KRT40: variants seen among roughly 807,000 people sequenced by gnomAD.
KRT40 encodes keratin 40, also known as keratin, type I cytoskeletal 40.
Under a neutral mutation model 43.5 loss-of-function variants are expected in KRT40, and 47 were observed. That is an observed-to-expected ratio of 1.08 (90% confidence interval 0.86 to 1.38). The LOEUF (loss-of-function observed/expected upper bound fraction) is 1.38, where lower values mean the gene tolerates loss of function less well. Among genes scored for constraint, KRT40 ranks in the 40% most tolerant of loss-of-function variants. The probability of loss-of-function intolerance (pLI) is 0.00; values close to 1 mark genes in which losing one functional copy is unlikely to be tolerated. For missense variants in KRT40, 573 were observed against 523.6 expected, an observed-to-expected ratio of 1.09 and a Z score of -0.92; for synonymous variants, 212 against 214.0, an observed-to-expected ratio of 0.99 and a Z score of 0.08.
At chr17:40,983,757 C>T (rs1199082834) in intron 1 of KRT40, 70 bp downstream of exon 1, 2 of 1,452,232 alleles carry the variant, frequency 1.4e-6, no homozygotes, top group Non-Finnish European at 1.9e-6. Flanking sequence ...GTAAAACAGC[C>T]CCTTCTAGTA....
Position 40,978,845 on chromosome 17 carries a change from C to G in KRT40, c.1155G>C (p.Glu385Asp), listed in dbSNP as rs1911948971. Residue 385 changes from glutamate (E) to aspartate (D), a missense_variant, in exon 6 of 7, where the codon GAG (glutamate) becomes GAC (aspartate). By Grantham distance (45) the Glu-to-Asp change is conservative. Coordinates refer to ENST00000377755, the MANE Select transcript of KRT40 (RefSeq NM_001389244.1). ...LLDVKARLEG[E>D]INTYWGLLDS... ...CCAGCAGGCCCCAGTACGTGTTGAT[C>G]TCACCCTCCAGCCGGGCCTTCACGT... 6.2e-7 allele frequency: 1 copy of G among 1,613,110 alleles called. No homozygotes were observed. Among genetic ancestry groups the G allele is most frequent in the Non-Finnish European group, 8.5e-7 (1 of 1,180,034 alleles).
chr17:40,984,638 C>T (rs1912382016), upstream of KRT40, among the ~76,000 whole-genome samples: 1 of 152,146 alleles, frequency 6.6e-6, no homozygotes, highest in South Asian at 2.1e-4. Context: ...AGATACAACT[C>T]ATTACAAATC....
At chr17:40,984,345 A>C, upstream of KRT40, 1 of 1,191,978 alleles carries the variant, frequency 8.4e-7, no homozygotes, top group Non-Finnish European at 1.2e-6. Flanking sequence ...TCCTCTCCTG[A>C]GAGTTTTATA....
chr17:40,983,090 T>C lies in KRT40; in HGVS notation c.486A>G (p.Val162=). 5 of 1,520,206 alleles carry C rather than the reference T, an allele frequency of 3.3e-6. No homozygotes were observed. Among genetic ancestry groups the C allele is most frequent in the Non-Finnish European group, 4.5e-6 (5 of 1,099,230 alleles). The allele number at this position is 1,520,206 out of a possible 1,614,324, so 94.2% of individuals were successfully genotyped here. Reference sequence around the variant, plus strand: ...TGGCCAGTTTGCAGTTGTCAAGCTGTACAGCAAGTCTAGAATTCTCTGCTT... The same window carrying C: ...TGGCCAGTTTGCAGTTGTCAAGCTGCACAGCAAGTCTAGAATTCTCTGCTT... ...CTKAENSRLA[V]QLDNCKLATD... is the part of the protein sequence containing the mutation. Residue 162 remains valine (V), a synonymous_variant, in exon 2 of 7, where the codon GTA becomes GTG. Transcript: ENST00000377755.
intron 5 of KRT40, among the ~76,000 whole-genome samples, chr17:40,980,000 C>T (rs1007938834): frequency 3.3e-5 from 5 of 152,080 alleles, no homozygotes; most frequent in South Asian, 2.1e-4. Flanking sequence ...CAAAATATCA[C>T]ATCTACGTAA....
intron 5 of KRT40, 150 bp downstream of exon 5, chr17:40,980,635 G>T: frequency 9.8e-7 from 1 of 1,015,374 alleles, no homozygotes; most frequent in Non-Finnish European, 1.4e-6. Context: ...ACAAGCTGTG[G>T]ACCTGTCACT....
chr17:40,985,358 T>C (rs1912420064), upstream of KRT40, among the ~76,000 whole-genome samples: 1 of 152,198 alleles, frequency 6.6e-6, no homozygotes, highest in African/African-American at 2.4e-5. Flanking sequence ...TTTTTTTGAA[T>C]TATCTCTTGG....
chr17:40,980,833 T>G lies in KRT40; in HGVS notation c.927A>C (p.Lys309Asn), dbSNP rs909777794. The change falls in exon 5 of 7, where the codon AAA (lysine) becomes AAC (asparagine). Residue 309 changes from lysine (K) to asparagine (N), a missense_variant. Transcript: ENST00000377755. The stretch of plus-strand genomic sequence containing the variant: ...CAATTTCCAGAGCACTGGCTGTGCG[T>G]TTCAGTTCCAAGATCTCCATCTGGC... ...QGCQMEILEL[K>N]RTASALEIEL... 6 of 1,612,868 alleles carry G rather than the reference T, an allele frequency of 3.7e-6. No homozygotes were observed. The highest frequency in any genetic ancestry group is 5.1e-6 in the Non-Finnish European group (6 of 1,179,964).
chr17:40,984,129 G>A lies in KRT40; in HGVS notation c.145C>T (p.Leu49=). Residue 49 remains leucine, a synonymous_variant, in exon 1 of 7, where the codon CTA becomes TTA. Coordinates refer to ENST00000377755, the MANE Select transcript of KRT40 (RefSeq NM_001389244.1). ...ATSRCQTPSF[L]SRSRGLTGCL... is the part of the protein sequence containing the mutation. ...CCAGTCAGCCCGCGAGACCTGGATA[G>A]GAAGCTTGGAGTCTGACATCGGGAT... The A allele has an allele frequency of 1.2e-6, 2 of 1,614,168 alleles. No homozygotes were observed. Among genetic ancestry groups the A allele is most frequent in the Non-Finnish European group, 1.7e-6 (2 of 1,180,028 alleles).
intron 5 of KRT40, among the ~76,000 whole-genome samples, chr17:40,979,500 CAA>C (rs35017931): frequency 0.011 from 1,414 of 129,094 alleles, 23 homozygotes; most frequent in African/African-American, 0.031. Flanking sequence ...AGACTCCGTC[CAA>C]AAAAAAAAAA....
chr17:40,983,911 G>C lies in KRT40; in HGVS notation c.363C>G (p.Ile121Met). The C allele has an allele frequency of 6.2e-7, 1 of 1,614,074 alleles. No homozygotes were observed. The highest frequency in any genetic ancestry group is 8.5e-7 in the Non-Finnish European group (1 of 1,180,022). ...EETNAELESR[I>M]QEQCEQDIPM... is the part of the protein sequence containing the mutation. ...GGATATCCTGTTCACATTGTTCTTG[G>C]ATCCTGGATTCCAGCTCTGCGTTGG... is the stretch of plus-strand genomic sequence containing the variant. The change falls in exon 1 of 7, where the codon ATC (isoleucine) becomes ATG (methionine). Residue 121 changes from isoleucine (I) to methionine (M), a missense_variant. Ile to Met is a conservative substitution (Grantham distance 10). Coordinates refer to ENST00000377755, the MANE Select transcript of KRT40 (RefSeq NM_001389244.1).
intron 5 of KRT40, 71 bp from the exon 6 acceptor site, chr17:40,979,095 T>C (rs1911974854): frequency 3.3e-6 from 4 of 1,205,710 alleles, no homozygotes; most frequent in South Asian, 1.4e-5. Context: ...ACTTTCAAAT[T>C]CCTGCTTACC....
At chr17:40,986,732 T>TAAA (rs5820387), upstream of KRT40, among the ~76,000 whole-genome samples, 2 of 146,812 alleles carry the variant, frequency 1.4e-5, no homozygotes, top group East Asian at 4.0e-4. Flanking sequence ...AAGGCCATGA[T>TAAA]AAAAAAAAAA....
chr17:40,983,702 T>C, intron 1 of KRT40, 125 bp downstream of exon 1: 5 of 885,330 alleles, frequency 5.6e-6, no homozygotes, highest in South Asian at 5.0e-5. Context: ...CTCTCCCCTA[T>C]GTATCACTAA....
chr17:40,981,736 T>C (rs1025441806), intron 3 of KRT40, among the ~76,000 whole-genome samples: 2 of 152,162 alleles, frequency 1.3e-5, no homozygotes, highest in African/African-American at 2.4e-5. Flanking sequence ...TGAAGTTACC[T>C]CCTCCACAAA....
At chr17:40,978,743 A>G in intron 6 of KRT40, 61 bp downstream of exon 6, 1 of 1,438,322 alleles carries the variant, frequency 7.0e-7, no homozygotes, top group Non-Finnish European at 9.7e-7. Flanking sequence ...GGGAAACAGG[A>G]TTCTTTTACA....
intron 6 of KRT40, 148 bp from the exon 7 acceptor site, chr17:40,978,444 GC>G (rs1252011691): frequency 2.9e-6 from 2 of 681,506 alleles, no homozygotes; most frequent in African/African-American, 3.6e-5. Context: ...TTTCTTCTCT[GC>G]ACCCAGAATT....
chr17:40,979,636 A>G (rs977044822), intron 5 of KRT40, among the ~76,000 whole-genome samples: 3 of 152,170 alleles, frequency 2.0e-5, no homozygotes, highest in Non-Finnish European at 2.9e-5. Flanking sequence ...AAGCTTAAGG[A>G]CTATCCACAA....
chr17:40,979,655 A>G (rs974860797), intron 5 of KRT40, among the ~76,000 whole-genome samples: 12 of 152,268 alleles, frequency 7.9e-5, no homozygotes, highest in Non-Finnish European at 1.6e-4. Flanking sequence ...AACATATGAG[A>G]GGAAAGATTG....
Sources: gnomAD v4.1 joint callset for allele counts (sites outside exome capture counted in the v4.1 genomes callset) on GRCh38, gnomAD v4.1.1 for gene constraint, MANE v1.5 for transcripts, NCBI Gene and HGNC (gene_info 2026-07-23, HGNC 2026-07-21) for gene names.